Variants in KCNMA1 observed in about 807,000 individuals in gnomAD.
The protein encoded by KCNMA1 is Calcium-activated potassium channel subunit alpha-1.
Under a neutral mutation model 140.0 loss-of-function variants are expected in KCNMA1, and 29 were observed. That is an observed-to-expected ratio of 0.21 (90% CI 0.15 to 0.28). The LOEUF (loss-of-function observed/expected upper bound fraction) is 0.28, where lower values mean the gene tolerates loss of function less well. Among genes scored for constraint, KCNMA1 ranks in the 10% least tolerant of loss-of-function variants. The pLI, the probability that KCNMA1 is intolerant of heterozygous loss-of-function variation, is 1.00. For synonymous variants in KCNMA1, 612 were observed against 611.9 expected (o/e 1.00, Z 0.00); for missense variants, 880 against 1,602.2 (o/e 0.55, Z 7.70).
intron 2 of KCNMA1, among the ~76,000 whole-genome samples, chr10:77,399,038 G>A (rs942059035): frequency 6.6e-6 from 1 of 152,156 alleles, no homozygotes; most frequent in African/African-American, 2.4e-5. Flanking sequence ...CAGAGCAGGG[G>A]TGCAAAGACA....
chr10:77,268,245 T>C (rs2063948947), intron 2 of KCNMA1, among the ~76,000 whole-genome samples: 1 of 152,186 alleles, frequency 6.6e-6, no homozygotes, highest in South Asian at 2.1e-4. Flanking sequence ...TCTAGTTCTC[T>C]GTTTAGTAAC....
rs569730771 is a variant in KCNMA1 at position 77,032,960 on chromosome 10, A to C, written c.1860-5069T>G. 3.3e-5 allele frequency among the ~76,000 whole-genome samples: 5 copies of C among 152,256 alleles called. No homozygotes were observed. In the South Asian group the frequency reaches 1.0e-3, roughly 32 times the overall value. ...GTTTGCACCTTCAGGAAGAAAATAC[A>C]AAGAGGAGGTTTGGGGCTGTTGAAG... On this transcript the variant is annotated intron_variant, in intron 15 of 27. Coordinates refer to ENST00000286628, the MANE Select transcript of KCNMA1 (RefSeq NM_001161352.2).
rs59376789 is a variant in KCNMA1, at chr10:77,436,997, C to CACACACACACACAA, written c.379-32975_379-32974insTTGTGTGTGTGTGT. 2.5e-3 allele frequency among the ~76,000 whole-genome samples: 313 copies of CACACACACACACAA among 126,956 alleles called. 2 individuals are homozygous for CACACACACACACAA. Among genetic ancestry groups the CACACACACACACAA allele is most frequent in the African/African-American group, 8.2e-3 (294 of 35,786 alleles). The allele number at this position is 126,956 out of a possible 152,430, so 83.3% of individuals were successfully genotyped here. A position where few individuals can be genotyped will look rare whatever the true frequency, so the allele number is the denominator to read the frequency against. ...ACACACACACACACACACACACACA[C>CACACACACACACAA]TCCTTCAGCCAAAATGTTCCACTTT... On this transcript the variant is annotated intron_variant, in intron 1 of 27. Transcript: ENST00000286628.
chr10:77,333,522 C>T (rs1468154642), intron 2 of KCNMA1, among the ~76,000 whole-genome samples: 4 of 152,218 alleles, frequency 2.6e-5, no homozygotes, highest in South Asian at 2.1e-4. Context: ...ATAAACGAGT[C>T]GCATGCTTAT....
At chr10:76,934,275 G>A (rs2059969108) in intron 23 of KCNMA1, among the ~76,000 whole-genome samples, 2 of 152,158 alleles carry the variant, frequency 1.3e-5, no homozygotes, top group Admixed American at 6.5e-5. Context: ...TCTGGCCTCA[G>A]GGCCATTTAT....
At chr10:77,411,018 T>C (rs1343291388) in intron 1 of KCNMA1, among the ~76,000 whole-genome samples, 1 of 152,222 alleles carries the variant, frequency 6.6e-6, no homozygotes, top group Non-Finnish European at 1.5e-5. Flanking sequence ...GTTTGTTTTG[T>C]TTTAGACAGA....
chr10:77,209,672 A>C (rs2045362518), intron 3 of KCNMA1, among the ~76,000 whole-genome samples: 1 of 152,140 alleles, frequency 6.6e-6, no homozygotes, highest in East Asian at 1.9e-4. Flanking sequence ...GGCCAGATTA[A>C]CAAAAAAAGA....
At chr10:77,121,573 A>G (rs2097596140) in intron 5 of KCNMA1, among the ~76,000 whole-genome samples, 1 of 151,358 alleles carries the variant, frequency 6.6e-6, no homozygotes, top group Non-Finnish European at 1.5e-5. Context: ...TTTCCTCCCA[A>G]TAAAAAAAAA....
intron 5 of KCNMA1, among the ~76,000 whole-genome samples, chr10:77,136,050 A>G (rs1041321306): frequency 3.3e-5 from 5 of 152,230 alleles, no homozygotes; most frequent in Non-Finnish European, 7.3e-5. Flanking sequence ...TGACTCTACA[A>G]TGAAATAGTC....
intron 2 of KCNMA1, chr10:77,304,266 T>G (rs1286763328): frequency 1.3e-5 from 2 of 152,202 alleles, no homozygotes; most frequent in Non-Finnish European, 2.9e-5. Context: ...AGCAAAAGAT[T>G]AGAAGAATAA....
chr10:77,277,292 A>C (rs919106038), intron 2 of KCNMA1, among the ~76,000 whole-genome samples: 1 of 152,200 alleles, frequency 6.6e-6, no homozygotes, highest in Non-Finnish European at 1.5e-5. Context: ...CCTGGGGTTC[A>C]GACTTGGCCC....
intron 2 of KCNMA1, among the ~76,000 whole-genome samples, chr10:77,363,477 G>T (rs893167763): frequency 1.3e-5 from 2 of 152,142 alleles, no homozygotes; most frequent in Admixed American, 1.3e-4. Context: ...CCATAAAAAT[G>T]GCATTTGCAC....
intron 14 of KCNMA1, among the ~76,000 whole-genome samples, chr10:77,050,905 T>C (rs1002456141): frequency 6.6e-6 from 1 of 152,182 alleles, no homozygotes; most frequent in Admixed American, 6.5e-5. Flanking sequence ...AAGCACAAGA[T>C]GGGTATCCAA....
intron 16 of KCNMA1, chr10:77,019,525 T>G (rs1378812105): frequency 8.8e-6 from 2 of 227,644 alleles, no homozygotes; most frequent in African/African-American, 4.6e-5. Context: ...GACAGAGCAT[T>G]AATGGGACCC....
chr10:77,418,845 C>T (rs80163686), intron 1 of KCNMA1, among the ~76,000 whole-genome samples: 342 of 152,344 alleles, frequency 2.2e-3, no homozygotes, highest in Non-Finnish European at 3.7e-3. Flanking sequence ...AAAAGGCACA[C>T]ACCTTTCTTT....
chr10:77,508,474 C>T (rs1003099704), intron 1 of KCNMA1, among the ~76,000 whole-genome samples: 2 of 151,948 alleles, frequency 1.3e-5, no homozygotes, highest in Admixed American at 6.6e-5. Flanking sequence ...CGCGAGTCCC[C>T]CCACTCAGCC....
chr10:77,097,010 T>C (rs1293688142), intron 9 of KCNMA1, among the ~76,000 whole-genome samples: 2 of 152,182 alleles, frequency 1.3e-5, no homozygotes, highest in African/African-American at 4.8e-5. Context: ...CCCAACGACC[T>C]AAACCACACA....
At chr10:77,459,262 T>C (rs576955790) in intron 1 of KCNMA1, among the ~76,000 whole-genome samples, 59 of 152,354 alleles carry the variant, frequency 3.9e-4, no homozygotes, top group Non-Finnish European at 7.2e-4. Flanking sequence ...CACCTCTGGA[T>C]GCAGGCATTT....
intron 1 of KCNMA1, among the ~76,000 whole-genome samples, chr10:77,550,941 C>CA (rs1250102925): frequency 6.6e-6 from 1 of 152,166 alleles, no homozygotes; most frequent in Non-Finnish European, 1.5e-5. Context: ...AAAGCCCACT[C>CA]AGGGGACACA....
Sources: allele counts gnomAD v4.1 joint callset (sites outside exome capture counted in the v4.1 genomes callset), GRCh38; gene constraint gnomAD v4.1.1; transcripts MANE v1.5; gene names NCBI Gene and HGNC (gene_info 2026-07-23, HGNC 2026-07-21).